The following DPP6 variants were observed in gnomAD, a reference collection of about 807,000 sequenced individuals.
DPP6 encodes the protein dipeptidyl peptidase like 6.
Under a neutral mutation model 122.6 loss-of-function variants are expected in DPP6, and 69 were observed. The observed-to-expected ratio is 0.56, with a 90% confidence interval of 0.46 to 0.69. The LOEUF is 0.69. Ranked by LOEUF, DPP6 falls within the 30% of genes least tolerant of loss-of-function variation. The probability of loss-of-function intolerance (pLI) is 0.00; values close to 1 mark genes in which losing one functional copy is unlikely to be tolerated. For synonymous variants in DPP6, 418 were observed against 433.1 expected (o/e 0.97, Z 0.43); for missense variants, 928 against 1,116.9 (o/e 0.83, Z 2.41).
intron 1 of DPP6, among the ~76,000 whole-genome samples, chr7:154,240,971 TG>T (rs1801554026): frequency 6.6e-6 from 1 of 152,200 alleles, no homozygotes; most frequent in African/African-American, 2.4e-5. Context: ...CAATATACTT[TG>T]GGTCAAAAGG....
At position 153,990,144 on chromosome 7, in the gene DPP6, C is replaced by T. The variant is rs539168725; in HGVS notation, c.51+102410C>T. 1.7e-4 allele frequency among the ~76,000 whole-genome samples: 11 copies of T among 64,400 alleles called. 1 individual carries two copies. In the East Asian group the frequency reaches 3.4e-3, roughly 20 times the overall value. The allele number at this position is 64,400 out of a possible 152,430, so 42.2% of individuals were successfully genotyped here. ...TGCCAGCCCCACCACTGATCATCCC[C>T]GCCCTCAGACAGTTTTGCCCCTTGC... On this transcript the variant is annotated intron_variant, in intron 1 of 25. Transcript: ENST00000404039.
intron 1 of DPP6, among the ~76,000 whole-genome samples, chr7:154,060,615 C>A (rs1290362809): frequency 1.4e-5 from 2 of 144,796 alleles, no homozygotes; most frequent in South Asian, 2.3e-4. Flanking sequence ...CCCCCCCTGG[C>A]TCTGAGGACC....
chr7:153,764,408 G>T, the DPP6 span, among the ~76,000 whole-genome samples: 1 of 152,132 alleles, frequency 6.6e-6, no homozygotes, highest in Non-Finnish European at 1.5e-5. Context: ...GCACTCGCCG[G>T]TCCTCCCTGG....
At chr7:153,896,901 A>G (rs1222976936) in intron 1 of DPP6, among the ~76,000 whole-genome samples, 5 of 152,342 alleles carry the variant, frequency 3.3e-5, no homozygotes, top group African/African-American at 1.2e-4. Flanking sequence ...AGAAAATTGC[A>G]TTTATCAGAC....
At chr7:153,818,148 C>CATATAT in the DPP6 span, among the ~76,000 whole-genome samples, 32 of 149,318 alleles carry the variant, frequency 2.1e-4, no homozygotes, top group African/African-American at 7.4e-4. Flanking sequence ...ATGGCCAATG[C>CATATAT]ATATATATAT....
At chr7:154,674,370 G>A (rs1175845127) in intron 7 of DPP6, among the ~76,000 whole-genome samples, 1 of 152,164 alleles carries the variant, frequency 6.6e-6, no homozygotes, top group African/African-American at 2.4e-5. Context: ...GGCAGCCGCG[G>A]TGGCCTTCCT....
intron 6 of DPP6, among the ~76,000 whole-genome samples, chr7:154,639,937 C>T (rs536856305): frequency 2.0e-4 from 31 of 152,234 alleles, no homozygotes; most frequent in South Asian, 1.2e-3. Flanking sequence ...TGAGTCTCAG[C>T]GTAAGTCAGG....
intron 1 of DPP6, among the ~76,000 whole-genome samples, chr7:153,896,428 T>A (rs933920418): frequency 6.6e-6 from 1 of 152,216 alleles, no homozygotes; most frequent in African/African-American, 2.4e-5. Flanking sequence ...AGGCCAAATT[T>A]TTTTTTCATT....
Position 154,603,754 on chromosome 7 carries a change from A to G in DPP6, c.628-34067A>G, listed in dbSNP as rs1833499038. Among the ~76,000 whole-genome samples, 2 of 116,238 alleles carry G rather than the reference A, an allele frequency of 1.7e-5. 1 individual carries two copies. Among genetic ancestry groups the G allele is most frequent in the Admixed American group, 2.0e-4 (2 of 10,046 alleles). The allele number at this position is 116,238 out of a possible 152,430, so 76.3% of individuals were successfully genotyped here. On this transcript the variant is annotated intron_variant, in intron 5 of 25. Transcript: ENST00000377770. The stretch of plus-strand genomic sequence containing the variant: ...TACTTTTTCTTCTTTTCTCATAAAT[A>G]TAATGTTAAGAAGTAGAAGTCAGAC...
intron 1 of DPP6, among the ~76,000 whole-genome samples, chr7:154,425,160 CG>C (rs1817782076): frequency 6.6e-6 from 1 of 152,034 alleles, no homozygotes; most frequent in African/African-American, 2.4e-5. Context: ...GGTATTGAGT[CG>C]TCTTAGATTA....
chr7:154,771,904 A>G (rs540838668), intron 9 of DPP6, among the ~76,000 whole-genome samples: 54 of 152,238 alleles, frequency 3.5e-4, no homozygotes, highest in South Asian at 8.3e-4. Context: ...ACCCTTCTAC[A>G]TTTCTTACCA....
chr7:154,404,892 G>T (rs1815944387), intron 1 of DPP6, among the ~76,000 whole-genome samples: 1 of 152,130 alleles, frequency 6.6e-6, no homozygotes, highest in Non-Finnish European at 1.5e-5. Flanking sequence ...AAATGCACCA[G>T]TATGTTTATG....
At chr7:154,725,996 T>C (rs1448525851) in intron 7 of DPP6, among the ~76,000 whole-genome samples, 2 of 152,212 alleles carry the variant, frequency 1.3e-5, no homozygotes, top group Non-Finnish European at 2.9e-5. Context: ...ATGATCTCCA[T>C]TGACTCCATG....
chr7:154,698,077 T>G (rs1307283132), intron 7 of DPP6, among the ~76,000 whole-genome samples: 1 of 152,216 alleles, frequency 6.6e-6, no homozygotes, highest in Non-Finnish European at 1.5e-5. Context: ...GTATCTAAAA[T>G]TACTATTAAT....
At chr7:154,510,320 A>G (rs1003769964) in intron 3 of DPP6, among the ~76,000 whole-genome samples, 5 of 152,178 alleles carry the variant, frequency 3.3e-5, no homozygotes, top group African/African-American at 1.2e-4. Flanking sequence ...TGACTTTAAG[A>G]AAAATGTATA....
At chr7:154,350,502 G>T (rs148097149) in intron 1 of DPP6, among the ~76,000 whole-genome samples, 1 of 152,156 alleles carries the variant, frequency 6.6e-6, no homozygotes, top group African/African-American at 2.4e-5. Context: ...AATGTCAACC[G>T]AGTATCATGG....
At chr7:154,353,855 G>A (rs911549377) in intron 1 of DPP6, among the ~76,000 whole-genome samples, 4 of 152,226 alleles carry the variant, frequency 2.6e-5, no homozygotes, top group Admixed American at 1.3e-4. Context: ...TTTGTTGCAA[G>A]ACCTTTGCAT....
intron 1 of DPP6, among the ~76,000 whole-genome samples, chr7:154,268,745 C>T (rs1198970318): frequency 1.3e-5 from 2 of 152,092 alleles, no homozygotes; most frequent in Non-Finnish European, 2.9e-5. Context: ...CTGCTCTGAA[C>T]AGTGTTTGTT....
chr7:153,870,784 T>G, the DPP6 span, among the ~76,000 whole-genome samples: 1 of 152,216 alleles, frequency 6.6e-6, no homozygotes, highest in African/African-American at 2.4e-5. Flanking sequence ...TGTGGTTTTA[T>G]CTACCTTTAG....
Sources: gnomAD v4.1 joint callset for allele counts (sites outside exome capture counted in the v4.1 genomes callset) on GRCh38, gnomAD v4.1.1 for gene constraint, MANE v1.5 for transcripts, NCBI Gene and HGNC (gene_info 2026-07-23, HGNC 2026-07-21) for gene names.